The following PTGS2 variants were observed in gnomAD, a reference collection of about 807,000 sequenced individuals.
PTGS2 encodes the protein prostaglandin G/H synthase 2.
PTGS2 carries 14 observed loss-of-function variants against 63.8 expected under a neutral mutation model. The ratio of observed to expected loss-of-function variants is 0.22; its 90% CI spans 0.14 to 0.34. PTGS2 has a LOEUF of 0.34. Ranked by LOEUF, PTGS2 falls within the 10% of genes least tolerant of loss-of-function variation. The pLI is 1.00. For missense variants in PTGS2, 533 were observed against 738.5 expected (o/e 0.72, Z 3.23); for synonymous variants, 271 against 259.5 (o/e 1.04, Z -0.43).
At chr1:186,680,171 G>T in intron 1 of PTGS2, 68 bp downstream of exon 1, 1 of 1,548,966 alleles carries the variant, frequency 6.5e-7, no homozygotes, top group South Asian at 1.2e-5. Flanking sequence ...AGACCCAGGA[G>T]GTCAGAGCGG....
In PTGS2 at chr1:186,677,594, C is replaced by G; in HGVS notation, c.639+55G>C. Reference sequence around the variant, plus strand: ...CTGTATATCTCCTTTAATGTTAGCCCTTGACTATGATTTGGTATAATTTTA... The same window carrying G: ...CTGTATATCTCCTTTAATGTTAGCCGTTGACTATGATTTGGTATAATTTTA... On this transcript the variant is annotated intron_variant, in intron 5 of 9. Coordinates refer to ENST00000367468, the MANE Select transcript of PTGS2 (RefSeq NM_000963.4). The G allele has an allele frequency of 2.7e-6, 4 of 1,463,390 alleles. No individual in the cohort carries two copies. In the South Asian group the frequency reaches 5.6e-5, roughly 20 times the overall value. The allele number at this position is 1,463,390 out of a possible 1,614,324, so 90.7% of individuals were successfully genotyped here.
At position 186,673,345 on chromosome 1, in the gene PTGS2, A is replaced by T. The variant is rs1174126476; in HGVS notation, c.*1008T>A. 6.6e-6 allele frequency: 1 copy of T among 152,196 alleles called. No homozygotes were observed. Among genetic ancestry groups the T allele is most frequent in the Non-Finnish European group, 1.5e-5 (1 of 68,020 alleles). The allele number at this position is 152,196 out of a possible 1,614,324, so 9.4% of individuals were successfully genotyped here. ...TTCATTAACCTCATAGCAAAATCTG[A>T]GTACCAGGCCTGCAGTGCACAAGGA... On this transcript the variant is annotated 3_prime_UTR_variant, in exon 10 of 10. Coordinates refer to ENST00000367468, the MANE Select transcript of PTGS2 (RefSeq NM_000963.4).
At chr1:186,677,939 A>G (rs1665810093) in intron 4 of PTGS2, 109 bp from the exon 5 acceptor site, 1 of 1,058,632 alleles carries the variant, frequency 9.4e-7, no homozygotes, top group Admixed American at 2.9e-5. Flanking sequence ...TACAATTGTG[A>G]ATAGGATCAT....
intron 5 of PTGS2, among the ~76,000 whole-genome samples, chr1:186,677,413 C>A (rs1665800748): frequency 6.6e-6 from 1 of 151,912 alleles, no homozygotes; most frequent in South Asian, 2.1e-4. Context: ...AATACCTGTA[C>A]ATATGTATGT....
intron 9 of PTGS2, 30 bp from the exon 10 acceptor site, chr1:186,674,792 C>T: frequency 6.4e-7 from 1 of 1,556,008 alleles, no homozygotes; most frequent in South Asian, 1.2e-5. Context: ...AGAGATACAA[C>T]CAATGTCAAA....
rs764444040 is a variant in PTGS2, at chr1:186,676,925, T to G, written c.640-9A>C. 1.3e-6 allele frequency: 2 copies of G among 1,597,974 alleles called. No individual in the cohort carries two copies. The highest frequency in any genetic ancestry group is 1.7e-6 in the Non-Finnish European group (2 of 1,173,244). On this transcript the variant is annotated splice_polypyrimidine_tract_variant and intron_variant, in intron 5 of 9. Coordinates refer to ENST00000367468, the MANE Select transcript of PTGS2 (RefSeq NM_000963.4). Reference sequence around the variant, plus strand: ...ATATGATTTAAGTCCACCTAGAAAATGATGAAAAAATTTTAATTTGTTGCT... The same window carrying G: ...ATATGATTTAAGTCCACCTAGAAAAGGATGAAAAAATTTTAATTTGTTGCT...
At position 186,672,185 on chromosome 1, in the gene PTGS2, C is replaced by T. The variant is rs200985751; in HGVS notation, c.*2168G>A. The T allele has an allele frequency of 2.6e-5, 4 of 152,030 alleles. No individual in the cohort carries two copies. In the South Asian group the frequency reaches 6.2e-4, roughly 24 times the overall value. The allele number at this position is 152,030 out of a possible 1,614,324, so 9.4% of individuals were successfully genotyped here. On this transcript the variant is annotated 3_prime_UTR_variant, in exon 10 of 10. Transcript: ENST00000367468. The stretch of plus-strand genomic sequence containing the variant: ...TATAAATACTATTATCTGTAATCAG[C>T]GTTTGATTTAAAAATATTAAAACCC...
chr1:186,674,697 G>A lies in PTGS2; in HGVS notation c.1471C>T (p.Pro491Ser). ...YGDIDAVELY[P>S]ALLVEKPRPD... ...CGAGGCTTTTCTACCAGAAGGGCAG[G>A]ATACAGCTCCACAGCATCGATGTCA... Residue 491 changes from proline (P) to serine (S), a missense_variant, in exon 10 of 10, where the codon CCT (proline) becomes TCT (serine). Coordinates refer to ENST00000367468, the MANE Select transcript of PTGS2 (RefSeq NM_000963.4). The A allele has an allele frequency of 6.2e-7, 1 of 1,614,184 alleles. No homozygotes were observed. The highest frequency in any genetic ancestry group is 8.5e-7 in the Non-Finnish European group (1 of 1,180,034).
rs1665785814 is a variant in PTGS2, at chr1:186,676,608, C to A, written c.829G>T (p.Val277Phe). Residue 277 changes from valine to phenylalanine, a missense_variant, in exon 7 of 10, where the codon GTC becomes TTC. By Grantham distance (50) the Val-to-Phe change is conservative. Around this residue, in one of 5 missense-constraint regions of PTGS2, gnomAD observed 67 missense variants for 152.6 expected, o/e 0.44. Coordinates refer to ENST00000367468, the MANE Select transcript of PTGS2 (RefSeq NM_000963.4). ...EHLRFAVGQE[V>F]FGLVPGLMMY... ...ATCAGACCAGGCACCAGACCAAAGA[C>A]CTCCTGCCCCACAGCAAACCGTAGA... 6.2e-7 allele frequency: 1 copy of A among 1,614,166 alleles called. No individual in the cohort carries two copies.
intron 8 of PTGS2, chr1:186,675,692 A>G (rs1035278681): frequency 4.8e-5 from 30 of 627,604 alleles, no homozygotes; most frequent in Middle Eastern, 4.2e-4. Context: ...AGGTAGGGGT[A>G]CAATTTGCTA....
In PTGS2 at chr1:186,674,536, G is replaced by A. The variant is rs139087930; in HGVS notation, c.1632C>T (p.Ile544=). The change falls in exon 10 of 10, where the codon ATC becomes ATT. Residue 544 remains isoleucine (I), a synonymous_variant. Coordinates refer to ENST00000367468, the MANE Select transcript of PTGS2 (RefSeq NM_000963.4). The part of the protein sequence containing the change: ...STFGGEVGFQ[I]INTASIQSLI... ...GAGACTGAATTGAGGCAGTGTTGAT[G>A]ATTTGAAAACCCACTTCTCCACCAA... is the stretch of plus-strand genomic sequence containing the variant. The A allele has an allele frequency of 3.7e-6, 6 of 1,614,054 alleles. No individual in the cohort carries two copies. Among genetic ancestry groups the A allele is most frequent in the Non-Finnish European group, 4.2e-6 (5 of 1,180,050 alleles).
intron 8 of PTGS2, chr1:186,675,684 G>C (rs1665767255): frequency 1.6e-6 from 1 of 616,682 alleles, no homozygotes; most frequent in African/African-American, 1.9e-5. Context: ...TATTTTTAAG[G>C]TAGGGGTACA....
rs767810225 is a variant in PTGS2 at position 186,674,726 on chromosome 1, T to C, written c.1442A>G (p.Tyr481Cys). The C allele has an allele frequency of 6.2e-7, 1 of 1,613,888 alleles. No homozygotes were observed. The highest frequency in any genetic ancestry group is 8.5e-7 in the Non-Finnish European group (1 of 1,179,868). The change falls in exon 10 of 10, where the codon TAT (tyrosine) becomes TGT (cysteine). Residue 481 changes from tyrosine to cysteine, a missense_variant. Transcript: ENST00000367468. Reference protein sequence around the residue: ...KEMSAELEALYGDIDAVELYP... With the variant: ...KEMSAELEALCGDIDAVELYP... Reference sequence around the variant, plus strand: ...CAGCTCCACAGCATCGATGTCACCATAGAGTGCTTCCAACTCTGCAGACAT... The same window carrying C: ...CAGCTCCACAGCATCGATGTCACCACAGAGTGCTTCCAACTCTGCAGACAT...
Position 186,672,196 on chromosome 1 carries a change from A to C in PTGS2, c.*2157T>G, listed in dbSNP as rs920617681. The C allele has an allele frequency of 2.0e-5, 3 of 152,074 alleles. No homozygotes were observed. Among genetic ancestry groups the C allele is most frequent in the Admixed American group, 6.6e-5 (1 of 15,258 alleles). 9.4% of individuals were successfully genotyped at this position (152,074 alleles called of 1,614,324 possible). The stretch of plus-strand genomic sequence containing the variant: ...TTATCTGTAATCAGCGTTTGATTTA[A>C]AAATATTAAAACCCACAGTGCTTGA... On this transcript the variant is annotated 3_prime_UTR_variant, in exon 10 of 10. Transcript: ENST00000367468.
At position 186,680,300 on chromosome 1, in the gene PTGS2, G is replaced by C. The variant is rs1175811679; in HGVS notation, c.-10C>G. The C allele has an allele frequency of 1.3e-6, 2 of 1,538,704 alleles. No individual in the cohort carries two copies. The highest frequency in any genetic ancestry group is 1.8e-6 in the Non-Finnish European group (2 of 1,141,368). On this transcript the variant is annotated 5_prime_UTR_variant, in exon 1 of 10. Transcript: ENST00000367468. ...GGGCGCGGGCGAGCATCGCAGCGGC[G>C]GGCAGGGCGCGGCGCGGGGGTAGGC...
At position 186,677,831 on chromosome 1, in the gene PTGS2, C is replaced by G; in HGVS notation, c.458-1G>C. 6.2e-7 allele frequency: 1 copy of G among 1,612,152 alleles called. No homozygotes were observed. Among genetic ancestry groups the G allele is most frequent in the Non-Finnish European group, 8.5e-7 (1 of 1,179,382 alleles). ...TTTGAATCAGGAAGCTGCTTTTTAC[C>G]TGAAAAATGAGAAAGCTAAGGTAAG... On this transcript the variant is annotated splice_acceptor_variant, in intron 4 of 9. Coordinates refer to ENST00000367468, the MANE Select transcript of PTGS2 (RefSeq NM_000963.4). LOFTEE classifies it high-confidence loss of function.
At position 186,674,746 on chromosome 1, in the gene PTGS2, A is replaced by C; in HGVS notation, c.1422T>G (p.Ser474=). The change falls in exon 10 of 10, where the codon TCT becomes TCG. Residue 474 remains serine, a synonymous_variant. Coordinates refer to ENST00000367468, the MANE Select transcript of PTGS2 (RefSeq NM_000963.4). ...CACCATAGAGTGCTTCCAACTCTGC[A>C]GACATTTCCTTTTCTCCTGTGAAGG... ...FEELTGEKEM[S]AELEALYGDI... 1.2e-6 allele frequency: 2 copies of C among 1,607,820 alleles called. No homozygotes were observed.
intron 5 of PTGS2, 141 bp from the exon 6 acceptor site, chr1:186,677,057 C>A (rs1665794547): frequency 1.6e-6 from 1 of 627,430 alleles, no homozygotes; most frequent in Non-Finnish European, 2.7e-6. Flanking sequence ...TTTTTCATAG[C>A]CATGAATTGC....
Position 186,680,252 on chromosome 1 carries a change from C to A in PTGS2, c.39G>T (p.Ala13=). 6.5e-7 allele frequency: 1 copy of A among 1,547,708 alleles called. No individual in the cohort carries two copies. Among genetic ancestry groups the A allele is most frequent in the Non-Finnish European group, 8.7e-7 (1 of 1,145,728 alleles). Reference sequence around the variant, plus strand: ...CCAGGTACTCACCTGTATGGCTGAGCGCCAGGACCGCGCACAGCAGCAGGG... The same window carrying A: ...CCAGGTACTCACCTGTATGGCTGAGAGCCAGGACCGCGCACAGCAGCAGGG... The part of the protein sequence containing the change: ...ARALLLCAVL[A]LSHTANPCCS... The change falls in exon 1 of 10, where the codon GCG becomes GCT. Residue 13 remains alanine, a synonymous_variant. Transcript: ENST00000367468.
Sources: allele counts gnomAD v4.1 joint callset (sites outside exome capture counted in the v4.1 genomes callset), GRCh38; gene constraint gnomAD v4.1.1; regional missense constraint gnomAD v4.1.1; transcripts MANE v1.5; gene names NCBI Gene and HGNC (gene_info 2026-07-23, HGNC 2026-07-21).